SPIDR: variants seen among roughly 807,000 people sequenced by gnomAD.
SPIDR encodes the protein scaffold protein involved in DNA repair, also known as DNA repair-scaffolding protein.
A neutral mutation model predicts 104.6 loss-of-function variants in SPIDR; 93 were observed. That is an observed-to-expected ratio of 0.89 (90% confidence interval 0.75 to 1.06). The LOEUF is 1.06. SPIDR is among the 50% of genes least tolerant of loss of function. SPIDR has a pLI of 0.00. For synonymous variants in SPIDR, 431 were observed against 416.9 expected (o/e 1.03, Z -0.41); for missense variants, 1,154 against 1,111.2 (o/e 1.04, Z -0.55).
chr8:47,715,417 TCTC>T (rs2082433206), intron 16 of SPIDR, among the ~76,000 whole-genome samples: 1 of 152,096 alleles, frequency 6.6e-6, no homozygotes, highest in Non-Finnish European at 1.5e-5. Flanking sequence ...CCTCAGGTGA[TCTC>T]CTCTCCTCGG....
At chr8:47,537,625 G>C (rs545311941) in intron 8 of SPIDR, among the ~76,000 whole-genome samples, 2 of 152,216 alleles carry the variant, frequency 1.3e-5, no homozygotes, top group South Asian at 4.2e-4. Context: ...CTGTAATGGT[G>C]GACACGTGTC....
chr8:47,294,062 A>G (rs2040401031), intron 5 of SPIDR, 32 bp downstream of exon 5: 5 of 1,574,592 alleles, frequency 3.2e-6, no homozygotes, highest in Non-Finnish European at 3.4e-6. Flanking sequence ...ACTTTTATTC[A>G]CTTTATAACA....
chr8:47,669,000 T>C (rs560294060), intron 10 of SPIDR, among the ~76,000 whole-genome samples: 1 of 152,264 alleles, frequency 6.6e-6, no homozygotes, highest in East Asian at 1.9e-4. Context: ...CCTAAATCAC[T>C]ATATCATGTG....
chr8:47,451,402 A>G (rs1222352028), intron 8 of SPIDR, among the ~76,000 whole-genome samples: 3 of 152,136 alleles, frequency 2.0e-5, no homozygotes, highest in East Asian at 3.9e-4. Context: ...CGCACCATGA[A>G]GAAACCCCAT....
intron 6 of SPIDR, among the ~76,000 whole-genome samples, chr8:47,404,591 C>G (rs549426652): frequency 3.3e-5 from 5 of 152,304 alleles, no homozygotes; most frequent in East Asian, 1.9e-4. Flanking sequence ...CCAATAGACA[C>G]ATGAAAAAAT....
At chr8:47,357,805 G>C in intron 5 of SPIDR, 1 of 963,164 alleles carries the variant, frequency 1.0e-6, no homozygotes, top group Non-Finnish European at 1.2e-6. Context: ...AAATGGAGAG[G>C]ATATAAGGAG....
chr8:47,334,920 A>T (rs2049415037), intron 5 of SPIDR, among the ~76,000 whole-genome samples: 1 of 152,128 alleles, frequency 6.6e-6, no homozygotes, highest in African/African-American at 2.4e-5. Flanking sequence ...TAGCTTTTAA[A>T]ATGGTTGCCT....
chr8:47,613,087 A>G (rs552939622), intron 10 of SPIDR, among the ~76,000 whole-genome samples: 4 of 152,334 alleles, frequency 2.6e-5, no homozygotes, highest in South Asian at 2.1e-4. Context: ...TACCAACTCT[A>G]TATCATTCCA....
intron 8 of SPIDR, among the ~76,000 whole-genome samples, chr8:47,465,303 C>A (rs2074591241): frequency 1.3e-5 from 2 of 152,288 alleles, no homozygotes; most frequent in Non-Finnish European, 2.9e-5. Flanking sequence ...ATAAAGCAAC[C>A]AGACAAGTCT....
chr8:47,461,703 T>C (rs1376545107), intron 8 of SPIDR, among the ~76,000 whole-genome samples: 2 of 152,104 alleles, frequency 1.3e-5, no homozygotes, highest in Non-Finnish European at 1.5e-5. Flanking sequence ...CTTCTGCTTG[T>C]TCAGTTTTAT....
At chr8:47,433,517 C>T (rs1315791835) in intron 7 of SPIDR, among the ~76,000 whole-genome samples, 1 of 152,152 alleles carries the variant, frequency 6.6e-6, no homozygotes, top group Non-Finnish European at 1.5e-5. Flanking sequence ...ATGGGCTGTT[C>T]TCTAAAAAGC....
intron 6 of SPIDR, among the ~76,000 whole-genome samples, chr8:47,404,654 C>T (rs2062458252): frequency 2.0e-5 from 3 of 152,130 alleles, no homozygotes; most frequent in Admixed American, 2.0e-4. Context: ...CAATGAGATA[C>T]CATGTCACAC....
At chr8:47,364,797 G>C (rs1554633339) in intron 5 of SPIDR, among the ~76,000 whole-genome samples, 1 of 152,092 alleles carries the variant, frequency 6.6e-6, no homozygotes, top group Non-Finnish European at 1.5e-5. Flanking sequence ...CCTTTTTTCT[G>C]AGTTTGTAAT....
intron 7 of SPIDR, among the ~76,000 whole-genome samples, chr8:47,423,965 T>A (rs2154336179): frequency 6.6e-6 from 1 of 152,334 alleles, no homozygotes; most frequent in East Asian, 1.9e-4. Context: ...TCAAAGCATT[T>A]TGCATGTATA....
chr8:47,272,949 T>G (rs1180643614), intron 1 of SPIDR, among the ~76,000 whole-genome samples: 3 of 152,206 alleles, frequency 2.0e-5, no homozygotes, highest in African/African-American at 7.2e-5. Flanking sequence ...GAAACTTGAC[T>G]TTTCACTTAG....
chr8:47,408,170 A>T (rs1036890332), intron 7 of SPIDR, among the ~76,000 whole-genome samples: 1 of 152,224 alleles, frequency 6.6e-6, no homozygotes, highest in Non-Finnish European at 1.5e-5. Flanking sequence ...TTATGAAAAC[A>T]TCACCACAAT....
chr8:47,490,304 T>C (rs1486103676), intron 8 of SPIDR, among the ~76,000 whole-genome samples: 17 of 152,280 alleles, frequency 1.1e-4, no homozygotes, highest in African/African-American at 3.6e-4. Flanking sequence ...TGAGATACCA[T>C]GTCACACCAG....
chr8:47,651,024 T>G (rs1245532683), intron 10 of SPIDR, among the ~76,000 whole-genome samples: 4 of 152,166 alleles, frequency 2.6e-5, no homozygotes, highest in Non-Finnish European at 5.9e-5. Context: ...GGAAAAACTC[T>G]TCTGGACATC....
intron 8 of SPIDR, among the ~76,000 whole-genome samples, chr8:47,566,110 G>A (rs2057805088): frequency 7.1e-6 from 1 of 141,352 alleles, no homozygotes; most frequent in Admixed American, 7.4e-5. Flanking sequence ...AGGTTCAAGC[G>A]ATTCTCCTCC....
Sources: gnomAD v4.1 joint callset for allele counts (sites outside exome capture counted in the v4.1 genomes callset) on GRCh38, gnomAD v4.1.1 for gene constraint, MANE v1.5 for transcripts, NCBI Gene and HGNC (gene_info 2026-07-23, HGNC 2026-07-21) for gene names.